The following GPC5 variants were observed in gnomAD, a reference collection of about 807,000 sequenced individuals.
The protein encoded by GPC5 is glypican 5, also known as glypican-5.
In GPC5, 47 loss-of-function variants were observed where a neutral mutation model predicts 53.9. The ratio of observed to expected loss-of-function variants is 0.87; its 90% CI spans 0.69 to 1.11. GPC5 has a LOEUF of 1.11. Ranked by LOEUF, GPC5 falls within the 50% of genes most tolerant of loss-of-function variation. The pLI is 0.00. For missense variants in GPC5, 748 were observed against 713.1 expected, an observed-to-expected ratio of 1.05 and a Z score of -0.56; for synonymous variants, 286 against 263.3, an observed-to-expected ratio of 1.09 and a Z score of -0.84.
chr13:91,496,507 A>G (rs1884272714), intron 2 of GPC5, among the ~76,000 whole-genome samples: 1 of 152,246 alleles, frequency 6.6e-6, no homozygotes, highest in African/African-American at 2.4e-5. Context: ...CATTATGTTA[A>G]GTGAAATAAG....
chr13:91,562,348 C>T (rs1439017993), intron 2 of GPC5, among the ~76,000 whole-genome samples: 4 of 151,982 alleles, frequency 2.6e-5, no homozygotes, highest in South Asian at 2.1e-4. Flanking sequence ...GATGTGTGTG[C>T]AGTCACCTTC....
chr13:91,713,670 CAAAGACTCTTTA>C (rs1485586833), intron 3 of GPC5, among the ~76,000 whole-genome samples: 2 of 152,136 alleles, frequency 1.3e-5, no homozygotes, highest in African/African-American at 4.8e-5. Context: ...CAGAATGTCA[CAAAGACTCTTTA>C]AAACCCAGAA....
At chr13:92,122,570 T>G (rs1347536421) in intron 6 of GPC5, among the ~76,000 whole-genome samples, 3 of 151,800 alleles carry the variant, frequency 2.0e-5, no homozygotes, top group Non-Finnish European at 4.4e-5. Flanking sequence ...TCTCAAAACT[T>G]CCCTGTAAAT....
intron 5 of GPC5, among the ~76,000 whole-genome samples, chr13:91,764,613 G>C (rs1025447087): frequency 3.9e-5 from 6 of 152,154 alleles, no homozygotes; most frequent in Admixed American, 3.9e-4. Flanking sequence ...ATAATCAAAC[G>C]TGTGAAATTC....
chr13:92,309,226 C>T (rs1926628), intron 7 of GPC5, among the ~76,000 whole-genome samples: 50,276 of 151,656 alleles, frequency 0.33, 8,430 homozygotes, highest in Middle Eastern at 0.49. Context: ...TGTGGTATAC[C>T]GCAATGATTG....
chr13:92,368,437 A>C (rs947350053), intron 7 of GPC5, among the ~76,000 whole-genome samples: 1 of 151,218 alleles, frequency 6.6e-6, no homozygotes, highest in African/African-American at 2.4e-5. Flanking sequence ...TGAGGTCAGG[A>C]GTTTAAGACC....
At chr13:92,069,048 TA>T (rs1394443714) in intron 6 of GPC5, among the ~76,000 whole-genome samples, 2 of 152,036 alleles carry the variant, frequency 1.3e-5, no homozygotes, top group Non-Finnish European at 2.9e-5. Context: ...GTGTGTAACA[TA>T]AGGTCAGAAT....
At chr13:91,554,667 A>T (rs9523363) in intron 2 of GPC5, among the ~76,000 whole-genome samples, 1 of 152,098 alleles carries the variant, frequency 6.6e-6, no homozygotes, top group Non-Finnish European at 1.5e-5. Flanking sequence ...CTGGTATATT[A>T]GAGTCAGTGC....
chr13:92,174,167 T>C (rs2139025867), intron 7 of GPC5, among the ~76,000 whole-genome samples: 1 of 151,926 alleles, frequency 6.6e-6, no homozygotes, highest in South Asian at 2.1e-4. Context: ...AAAGTCATCT[T>C]TACGTCATTA....
chr13:91,831,865 T>A (rs1445327243), intron 5 of GPC5, among the ~76,000 whole-genome samples: 2 of 151,960 alleles, frequency 1.3e-5, no homozygotes, highest in African/African-American at 2.4e-5. Context: ...TGCTGAGGAG[T>A]GCTTTACTTC....
At chr13:92,864,041 T>A (rs537853846) in intron 7 of GPC5, among the ~76,000 whole-genome samples, 2 of 152,334 alleles carry the variant, frequency 1.3e-5, no homozygotes, top group East Asian at 3.9e-4. Flanking sequence ...TTTATAAGCC[T>A]TGGTATAATT....
At chr13:91,859,556 C>T (rs2039003651) in intron 5 of GPC5, among the ~76,000 whole-genome samples, 1 of 151,774 alleles carries the variant, frequency 6.6e-6, no homozygotes, top group Non-Finnish European at 1.5e-5. Flanking sequence ...TTTAAGCTGC[C>T]AAATTCGTGA....
At chr13:91,743,423 G>T (rs1257007167) in intron 4 of GPC5, among the ~76,000 whole-genome samples, 1 of 151,970 alleles carries the variant, frequency 6.6e-6, no homozygotes, top group African/African-American at 2.4e-5. Context: ...AAACAGGATG[G>T]GTCCTTCATC....
intron 7 of GPC5, among the ~76,000 whole-genome samples, chr13:92,579,173 C>T (rs1883283738): frequency 6.6e-6 from 1 of 151,868 alleles, no homozygotes; most frequent in African/African-American, 2.4e-5. Flanking sequence ...AGGTCGGATT[C>T]AAGCAGGTAG....
Position 91,500,339 on chromosome 13 carries a change from T to C in GPC5, c.325+51417T>C, listed in dbSNP as rs530434829. 6.2e-4 allele frequency among the ~76,000 whole-genome samples: 95 copies of C among 152,282 alleles called. No individual in the cohort carries two copies. The South Asian group carries it at 7.9e-3, about 13-fold the overall frequency. On this transcript the variant is annotated intron_variant, in intron 2 of 7. Coordinates refer to ENST00000377067, the MANE Select transcript of GPC5 (RefSeq NM_004466.6). ...AAATAGAGAAGTCTCTTTTTCCAGG[T>C]AGGAGAGGAAGAATCTTGGTCAGCC...
intron 7 of GPC5, among the ~76,000 whole-genome samples, chr13:92,764,761 T>C (rs564085949): frequency 6.6e-6 from 1 of 152,264 alleles, no homozygotes; most frequent in African/African-American, 2.4e-5. Flanking sequence ...TTATTCATGG[T>C]TTTGACTGTC....
chr13:91,412,422 A>G (rs1566372896), intron 1 of GPC5, among the ~76,000 whole-genome samples: 2 of 152,256 alleles, frequency 1.3e-5, no homozygotes, highest in Admixed American at 1.3e-4. Context: ...CTTCTGTACA[A>G]TAAAATAAAA....
At chr13:91,835,781 G>A (rs1300398972) in intron 5 of GPC5, among the ~76,000 whole-genome samples, 1 of 152,050 alleles carries the variant, frequency 6.6e-6, no homozygotes, top group African/African-American at 2.4e-5. Flanking sequence ...AATACCTAAT[G>A]TAGATGAAGG....
intron 7 of GPC5, among the ~76,000 whole-genome samples, chr13:92,332,668 A>G (rs1594106587): frequency 6.6e-6 from 1 of 152,226 alleles, no homozygotes; most frequent in Non-Finnish European, 1.5e-5. Flanking sequence ...TCAACCACTT[A>G]CAAATATTTC....
Sources: allele counts gnomAD v4.1 joint callset (sites outside exome capture counted in the v4.1 genomes callset), GRCh38; gene constraint gnomAD v4.1.1; transcripts MANE v1.5; gene names NCBI Gene and HGNC (gene_info 2026-07-23, HGNC 2026-07-21).